The following RARB variants were observed in gnomAD, a reference collection of about 807,000 sequenced individuals.
RARB encodes the protein HBV-activated protein.
Under a neutral mutation model 51.9 loss-of-function variants are expected in RARB, and 17 were observed. That is an observed-to-expected ratio of 0.33 (90% CI 0.22 to 0.49). RARB has a LOEUF of 0.49. Among genes scored for constraint, RARB ranks in the 20% least tolerant of loss-of-function variants. The pLI, the probability that RARB is intolerant of heterozygous loss-of-function variation, is 0.99. For synonymous variants in RARB, 215 were observed against 195.4 expected, an observed-to-expected ratio of 1.10 and a Z score of -0.84; for missense variants, 369 against 550.8, an observed-to-expected ratio of 0.67 and a Z score of 3.30.
intron 2 of RARB, among the ~76,000 whole-genome samples, chr3:25,031,717 A>G (rs1289639709): frequency 6.6e-6 from 1 of 152,190 alleles, no homozygotes; most frequent in African/African-American, 2.4e-5. Context: ...TGTTTCTATT[A>G]GCCAAACTTG....
At chr3:25,407,256 G>A (rs1707435822) in intron 5 of RARB, among the ~76,000 whole-genome samples, 1 of 152,134 alleles carries the variant, frequency 6.6e-6, no homozygotes, top group Non-Finnish European at 1.5e-5. Flanking sequence ...AAACAGACGG[G>A]GGTACTAGGC....
chr3:24,909,428 A>G (rs1332048581), intron 2 of RARB, among the ~76,000 whole-genome samples: 1 of 152,156 alleles, frequency 6.6e-6, no homozygotes. Flanking sequence ...ATTAAAGTTC[A>G]CTGACGCGGG....
At chr3:25,201,257 T>C (rs1701382593) in intron 5 of RARB, among the ~76,000 whole-genome samples, 1 of 150,048 alleles carries the variant, frequency 6.7e-6, no homozygotes, top group African/African-American at 2.4e-5. Context: ...ATAAGAATGC[T>C]TGTGATTTTT....
At chr3:25,572,853 C>T (rs762284347) in intron 4 of RARB, among the ~76,000 whole-genome samples, 2 of 152,120 alleles carry the variant, frequency 1.3e-5, no homozygotes, top group Non-Finnish European at 2.9e-5. Context: ...AAGTCAATCC[C>T]CAGACCCTGA....
intron 5 of RARB, among the ~76,000 whole-genome samples, chr3:25,182,637 C>G (rs1389841770): frequency 6.6e-6 from 1 of 152,116 alleles, no homozygotes; most frequent in African/African-American, 2.4e-5. Context: ...TGGGTAAATC[C>G]ATGAGAATGA....
At chr3:25,179,989 A>G (rs1430762866) in intron 5 of RARB, among the ~76,000 whole-genome samples, 28 of 152,156 alleles carry the variant, frequency 1.8e-4, no homozygotes. Context: ...TTTGATCTTT[A>G]CCCCCAAAGG....
chr3:25,102,735 T>TAAG (rs2125321807), intron 3 of RARB, among the ~76,000 whole-genome samples: 1 of 152,192 alleles, frequency 6.6e-6, no homozygotes, highest in African/African-American at 2.4e-5. Context: ...GAATTTCAGT[T>TAAG]AAGATGCCGT....
chr3:24,913,823 A>C (rs1056015416), intron 2 of RARB, among the ~76,000 whole-genome samples: 2 of 152,248 alleles, frequency 1.3e-5, no homozygotes, highest in African/African-American at 4.8e-5. Flanking sequence ...TAAATCTAAA[A>C]GCAACATAAA....
At chr3:25,440,317 G>A (rs570847687) in intron 1 of RARB, among the ~76,000 whole-genome samples, 6 of 151,886 alleles carry the variant, frequency 4.0e-5, no homozygotes, top group East Asian at 3.9e-4. Context: ...GTGGTGGCAC[G>A]CACCTGTAGT....
intron 2 of RARB, among the ~76,000 whole-genome samples, chr3:24,904,664 A>G (rs933532443): frequency 1.3e-5 from 2 of 152,224 alleles, no homozygotes; most frequent in Non-Finnish European, 2.9e-5. Flanking sequence ...ATTCCTGGGT[A>G]TATACCCAAA....
chr3:25,368,099 G>A (rs960266690), intron 5 of RARB, among the ~76,000 whole-genome samples: 3 of 152,110 alleles, frequency 2.0e-5, no homozygotes, highest in Non-Finnish European at 4.4e-5. Flanking sequence ...TTTTTTAGGG[G>A]GTAGGGGCTT....
intron 2 of RARB, among the ~76,000 whole-genome samples, chr3:24,966,600 A>G (rs918049518): frequency 7.3e-6 from 1 of 136,816 alleles, no homozygotes; most frequent in African/African-American, 2.9e-5. Flanking sequence ...ACCTTGGTTT[A>G]CATTCATCTC....
chr3:25,159,412 A>ACC (rs11393745), intron 4 of RARB, among the ~76,000 whole-genome samples: 3,104 of 141,706 alleles, frequency 0.022, 87 homozygotes, highest in East Asian at 0.031. Flanking sequence ...CAGATGATCC[A>ACC]CCCCCCCCGC....
At chr3:25,411,760 A>G (rs917364660) in intron 5 of RARB, among the ~76,000 whole-genome samples, 4 of 152,210 alleles carry the variant, frequency 2.6e-5, no homozygotes, top group African/African-American at 9.7e-5. Context: ...GTTGGTATAA[A>G]CAAGGACAAT....
chr3:25,288,408 T>C (rs768799704), intron 5 of RARB, among the ~76,000 whole-genome samples: 9 of 152,222 alleles, frequency 5.9e-5, no homozygotes, highest in Non-Finnish European at 7.3e-5. Flanking sequence ...TGTAAGATTT[T>C]TGCAGCTAAT....
At chr3:24,849,293 C>A (rs1282478526) in intron 1 of RARB, among the ~76,000 whole-genome samples, 1 of 152,204 alleles carries the variant, frequency 6.6e-6, no homozygotes, top group Non-Finnish European at 1.5e-5. Context: ...TGTTGCCCCT[C>A]AGTGAGGGAA....
intron 2 of RARB, among the ~76,000 whole-genome samples, chr3:24,893,330 G>A (rs2125365752): frequency 6.6e-6 from 1 of 152,306 alleles, no homozygotes; most frequent in Middle Eastern, 3.4e-3. Context: ...TCTCAAAATT[G>A]AGGAATAAAA....
At chr3:25,053,326 CCTGT>C (rs1234671520) in intron 2 of RARB, among the ~76,000 whole-genome samples, 1 of 152,124 alleles carries the variant, frequency 6.6e-6, no homozygotes, top group African/African-American at 2.4e-5. Flanking sequence ...TGGTCACCTA[CCTGT>C]CTTTTTCTCT....
chr3:24,994,875 A>G (rs557241500), intron 2 of RARB, among the ~76,000 whole-genome samples: 3 of 152,172 alleles, frequency 2.0e-5, no homozygotes, highest in African/African-American at 7.2e-5. Context: ...TGCCAGTACA[A>G]TGCTATTTCA....
Sources: allele counts gnomAD v4.1 joint callset (sites outside exome capture counted in the v4.1 genomes callset), GRCh38; gene constraint gnomAD v4.1.1; transcripts MANE v1.5; gene names NCBI Gene and HGNC (gene_info 2026-07-23, HGNC 2026-07-21).